The following ZYG11B variants were observed in gnomAD, a reference collection of about 807,000 sequenced individuals.
ZYG11B encodes the protein zyg-11 family member B, cell cycle regulator, also known as protein zyg-11 homolog B.
In ZYG11B, 36 loss-of-function variants were observed where a neutral mutation model predicts 82.4. That is an observed-to-expected ratio of 0.44 (90% CI 0.33 to 0.58). ZYG11B has a LOEUF of 0.58. Ranked by LOEUF, ZYG11B falls within the 20% of genes least tolerant of loss-of-function variation. The pLI is 0.02. For missense variants in ZYG11B, 552 were observed against 895.6 expected (o/e 0.62, Z 4.90); for synonymous variants, 303 against 312.8 (o/e 0.97, Z 0.33).
intron 1 of ZYG11B, among the ~76,000 whole-genome samples, chr1:52,737,225 A>G (rs555862181): frequency 6.6e-6 from 1 of 152,020 alleles, no homozygotes; most frequent in South Asian, 2.1e-4. Flanking sequence ...TTTATGCCCT[A>G]CCTCCTTTGT....
intron 10 of ZYG11B, among the ~76,000 whole-genome samples, chr1:52,807,508 T>TTC (rs1378940158): frequency 6.6e-6 from 1 of 151,108 alleles, no homozygotes; most frequent in Non-Finnish European, 1.5e-5. Flanking sequence ...TTTTTTTTTT[T>TTC]TGAGACAGGT....
intron 4 of ZYG11B, among the ~76,000 whole-genome samples, chr1:52,782,717 A>G (rs948963869): frequency 7.2e-5 from 11 of 152,082 alleles, no homozygotes; most frequent in African/African-American, 2.7e-4. Context: ...AGCTAGGACT[A>G]CAGGCCCATG....
intron 1 of ZYG11B, among the ~76,000 whole-genome samples, chr1:52,729,328 C>T (rs936796349): frequency 2.8e-5 from 4 of 142,510 alleles, no homozygotes; most frequent in Non-Finnish European, 6.1e-5. Context: ...AGACAGAATT[C>T]AGACCACAGC....
intron 5 of ZYG11B, among the ~76,000 whole-genome samples, chr1:52,788,682 A>G (rs144039346): frequency 2.0e-5 from 3 of 152,232 alleles, no homozygotes; most frequent in Admixed American, 6.5e-5. Flanking sequence ...GTGAGCTATG[A>G]TTGTGCCGCT....
At chr1:52,765,674 A>AT (rs1335341356) in intron 2 of ZYG11B, among the ~76,000 whole-genome samples, 32 of 151,886 alleles carry the variant, frequency 2.1e-4, no homozygotes, top group African/African-American at 7.0e-4. Context: ...ACTAATTAAA[A>AT]TTTTTTGTTG....
At position 52,822,371 on chromosome 1, in the gene ZYG11B, T is replaced by C. The variant is rs375666272; in HGVS notation, c.*742T>C. 1.3e-4 allele frequency: 20 copies of C among 152,246 alleles called. No individual in the cohort carries two copies. In the East Asian group the frequency reaches 1.3e-3, roughly 10 times the overall value. 9.4% of individuals were successfully genotyped at this position (152,246 alleles called of 1,614,324 possible). On this transcript the variant is annotated 3_prime_UTR_variant, in exon 14 of 14. Coordinates refer to ENST00000294353, the MANE Select transcript of ZYG11B (RefSeq NM_024646.3). ...CCTGCACAGACTGCCGGTTATTCAC[T>C]AGGAATATTTCCCCAAGCACCACAG...
intron 1 of ZYG11B, among the ~76,000 whole-genome samples, chr1:52,727,284 G>T (rs1644294375): frequency 1.3e-5 from 2 of 151,990 alleles, no homozygotes; most frequent in Admixed American, 6.6e-5. Context: ...GTTGCTTCCC[G>T]GGAGCTGTAG....
At chr1:52,796,133 C>T (rs1329950613) in intron 6 of ZYG11B, among the ~76,000 whole-genome samples, 159 bp from the exon 7 acceptor site, 4 of 152,150 alleles carry the variant, frequency 2.6e-5, no homozygotes, top group African/African-American at 9.7e-5. Context: ...ATGGCATCAT[C>T]TCTAAAACAC....
intron 8 of ZYG11B, among the ~76,000 whole-genome samples, chr1:52,797,172 A>ATATATTTATATAT (rs1351911429): frequency 2.9e-5 from 2 of 68,938 alleles, no homozygotes; most frequent in African/African-American, 8.9e-5. Flanking sequence ...ATTATATATT[A>ATATATTTATATAT]TATATATTTA....
At position 52,771,387 on chromosome 1, in the gene ZYG11B, A is replaced by G. The variant is rs1247812863; in HGVS notation, c.564A>G (p.Leu188=). ...DLAEVASLPR[L]ESLDISNTSI... is the part of the protein sequence containing the mutation. The stretch of plus-strand genomic sequence containing the variant: ...CTGAAGTTGCCTCATTGCCAAGATT[A>G]GAGAGCTTGGATATTTCTAACACCT... The change falls in exon 3 of 14, where the codon TTA becomes TTG. Residue 188 remains leucine (L), a synonymous_variant. Transcript: ENST00000294353. This position sits in a 1 kb window ranked among gnomAD's most constrained non-coding sequence, Gnocchi z 5.4. 1.2e-6 allele frequency: 2 copies of G among 1,614,180 alleles called. No individual in the cohort carries two copies. Among genetic ancestry groups the G allele is most frequent in the Non-Finnish European group, 1.7e-6 (2 of 1,180,032 alleles).
chr1:52,812,235 G>C (rs780995850), intron 10 of ZYG11B, among the ~76,000 whole-genome samples: 1 of 151,946 alleles, frequency 6.6e-6, no homozygotes, highest in African/African-American at 2.4e-5. Context: ...TTGTATGCCT[G>C]GTAATTTTTT....
In ZYG11B at chr1:52,783,884, A is replaced by ACATC. The variant is rs1558132701; in HGVS notation, c.1093-993_1093-992insCATC. On this transcript the variant is annotated intron_variant, in intron 4 of 13. Coordinates refer to ENST00000294353, the MANE Select transcript of ZYG11B (RefSeq NM_024646.3). Reference sequence around the variant, plus strand: ...TGTATGTACATACACGTGTGTGTATATGTACATACACGTGTGTGTATATAC... The same window carrying ACATC: ...TGTATGTACATACACGTGTGTGTATACATCTGTACATACACGTGTGTGTATATAC... Among the ~76,000 whole-genome samples, 23 of 140,788 alleles carry ACATC rather than the reference A, an allele frequency of 1.6e-4. 2 individuals are homozygous for ACATC. The highest frequency in any genetic ancestry group is 5.8e-4 in the African/African-American group (21 of 36,506). The allele number at this position is 140,788 out of a possible 152,430, so 92.4% of individuals were successfully genotyped here. A position where few individuals can be genotyped will look rare whatever the true frequency, so the allele number is the denominator to read the frequency against.
intron 13 of ZYG11B, among the ~76,000 whole-genome samples, chr1:52,817,141 G>A (rs1645232055): frequency 6.6e-6 from 1 of 152,066 alleles, no homozygotes; most frequent in South Asian, 2.1e-4. Flanking sequence ...GGTGTAACTA[G>A]ACACTGAATA....
In ZYG11B at chr1:52,771,973, T is replaced by C. The variant is rs534410974; in HGVS notation, c.951+199T>C. On this transcript the variant is annotated intron_variant, in intron 3 of 13. Coordinates refer to ENST00000294353, the MANE Select transcript of ZYG11B (RefSeq NM_024646.3). This position sits in a 1 kb window ranked among gnomAD's most constrained non-coding sequence, Gnocchi z 5.4. Reference sequence around the variant, plus strand: ...TATGATGTCACTTCGAGTTTTTATTTATTTGTAGAATAGATATTATTCTTA... The same window carrying C: ...TATGATGTCACTTCGAGTTTTTATTCATTTGTAGAATAGATATTATTCTTA... Among the ~76,000 whole-genome samples, 1 of 152,296 alleles carries C rather than the reference T, an allele frequency of 6.6e-6. No homozygotes were observed. The highest frequency in any genetic ancestry group is 6.5e-5 in the Admixed American group (1 of 15,294).
intron 2 of ZYG11B, among the ~76,000 whole-genome samples, chr1:52,762,577 AT>A (rs562704244): frequency 9.3e-5 from 14 of 150,886 alleles, no homozygotes; most frequent in African/African-American, 3.2e-4. Context: ...ACTATATTTT[AT>A]TTTTTTCATT....
At chr1:52,783,733 C>G (rs1199967412) in intron 4 of ZYG11B, among the ~76,000 whole-genome samples, 1 of 149,616 alleles carries the variant, frequency 6.7e-6, no homozygotes, top group East Asian at 2.0e-4. Flanking sequence ...GGTGATCCTC[C>G]CACCTCAGCC....
chr1:52,741,298 C>CAAAAAAA (rs770092920), intron 1 of ZYG11B, among the ~76,000 whole-genome samples: 1,135 of 71,694 alleles, frequency 0.016, 44 homozygotes, highest in African/African-American at 0.029. Flanking sequence ...GACTTCGTCT[C>CAAAAAAA]AAAAAAAAAA....
At chr1:52,746,714 T>TTTTTTTTTGG (rs1644480681) in intron 1 of ZYG11B, among the ~76,000 whole-genome samples, 4 of 128,664 alleles carry the variant, frequency 3.1e-5, no homozygotes, top group Non-Finnish European at 5.0e-5. Context: ...TTTTTTTTTT[T>TTTTTTTTTGG]GCGGCTGGAA....
At chr1:52,726,990 C>T (rs1209261021) in intron 1 of ZYG11B, among the ~76,000 whole-genome samples, 1 of 151,576 alleles carries the variant, frequency 6.6e-6, no homozygotes, top group Admixed American at 6.6e-5. Context: ...TTAACCCTAA[C>T]CCTTCCTTTC....
Sources: allele counts gnomAD v4.1 joint callset (sites outside exome capture counted in the v4.1 genomes callset), GRCh38; gene constraint gnomAD v4.1.1; non-coding constraint Gnocchi (gnomAD v3.1); transcripts MANE v1.5; gene names NCBI Gene and HGNC (gene_info 2026-07-23, HGNC 2026-07-21).